The following PKD1L3 variants were observed in gnomAD, a reference collection of about 807,000 sequenced individuals.
The protein encoded by PKD1L3 is polycystin-1-like protein 3.
In PKD1L3, 239 loss-of-function variants were observed where a neutral mutation model predicts 184.1. The ratio of observed to expected loss-of-function variants is 1.30; its 90% confidence interval spans 1.17 to 1.45. PKD1L3 has a LOEUF of 1.45. PKD1L3 is among the 40% of genes most tolerant of loss of function. PKD1L3 has a pLI of 0.00. For synonymous variants in PKD1L3, 996 were observed against 778.8 expected (o/e 1.28, Z -4.64); for missense variants, 2,660 against 2,067.2 (o/e 1.29, Z -5.56).
chr16:71,954,381 A>T, intron 16 of PKD1L3, 80 bp from the exon 17 acceptor site: 1 of 1,132,956 alleles, frequency 8.8e-7, no homozygotes, highest in East Asian at 2.7e-5. Flanking sequence ...TTTGCCCAGC[A>T]ACAAGCGACA....
At chr16:71,937,460 CT>C in intron 24 of PKD1L3, 41 bp from the exon 25 acceptor site, 1 of 1,535,954 alleles carries the variant, frequency 6.5e-7, no homozygotes, top group East Asian at 2.5e-5. Flanking sequence ...GAGTCTAAAA[CT>C]TTTGCCCTCT....
At chr16:71,968,254 TG>T in intron 13 of PKD1L3, among the ~76,000 whole-genome samples, 1 of 152,306 alleles carries the variant, frequency 6.6e-6, no homozygotes, top group East Asian at 1.9e-4. Flanking sequence ...GATCAGGTCT[TG>T]GGCCTCTAAA....
intron 12 of PKD1L3, among the ~76,000 whole-genome samples, chr16:71,970,624 A>G (rs113288062): frequency 0.042 from 6,420 of 152,156 alleles, 438 homozygotes; most frequent in African/African-American, 0.15. Context: ...CCTGGACAAC[A>G]TGGTGAAACC....
chr16:71,965,450 C>T (rs1047502464), intron 15 of PKD1L3, among the ~76,000 whole-genome samples: 2 of 152,050 alleles, frequency 1.3e-5, no homozygotes, highest in African/African-American at 4.8e-5. Context: ...TCACAAGAAA[C>T]TGGCAAGCTG....
intron 6 of PKD1L3, among the ~76,000 whole-genome samples, chr16:71,983,714 TG>T (rs1484987679): frequency 8.3e-6 from 1 of 119,876 alleles, no homozygotes; most frequent in Non-Finnish European, 1.6e-5. Flanking sequence ...CCACCCAGGC[TG>T]GAGTGGAGTG....
At chr16:71,929,846 A>G in intron 29 of PKD1L3, 168 bp from the exon 30 acceptor site, 1 of 957,130 alleles carries the variant, frequency 1.0e-6, no homozygotes, top group Non-Finnish European at 1.5e-6. Flanking sequence ...TTGCGAGCCA[A>G]CTATTTATAG....
intron 21 of PKD1L3, among the ~76,000 whole-genome samples, chr16:71,948,686 A>T (rs1324669727): frequency 1.3e-5 from 2 of 151,938 alleles, no homozygotes; most frequent in Admixed American, 6.6e-5. Flanking sequence ...CATTATTAAA[A>T]CAAAAATGCA....
Position 71,984,093 on chromosome 16 carries a change from A to G in PKD1L3, c.909T>C (p.Ala303=), listed in dbSNP as rs750831494. ...CTGTTAGTTTCTGGAGGAACTCACAAGCTTCCTGTAGTTTGTTAAGAGCTT... is the reference window on the plus strand; with the variant it reads ...CTGTTAGTTTCTGGAGGAACTCACAGGCTTCCTGTAGTTTGTTAAGAGCTT... ...GLQALNKLQE[A]CEFLQKLTAL... is the part of the protein sequence containing the mutation. Residue 303 remains alanine, a synonymous_variant, in exon 6 of 30, where the codon GCT becomes GCC. Coordinates refer to ENST00000620267, the MANE Select transcript of PKD1L3 (RefSeq NM_181536.2). 40 of 1,552,084 alleles carry G rather than the reference A, an allele frequency of 2.6e-5. No individual in the cohort carries two copies. Among genetic ancestry groups the G allele is most frequent in the Non-Finnish European group, 3.3e-5 (38 of 1,147,098 alleles).
intron 28 of PKD1L3, among the ~76,000 whole-genome samples, chr16:71,931,785 G>A (rs970035037): frequency 2.0e-5 from 3 of 152,044 alleles, no homozygotes; most frequent in African/African-American, 4.8e-5. Flanking sequence ...TTTTAAAAAT[G>A]GCACAGTATT....
intron 25 of PKD1L3, among the ~76,000 whole-genome samples, chr16:71,936,948 G>C (rs1482912010): frequency 6.6e-6 from 1 of 152,094 alleles, no homozygotes; most frequent in East Asian, 1.9e-4. Flanking sequence ...CTGAATTCAG[G>C]TTTCTGAAAA....
intron 19 of PKD1L3, among the ~76,000 whole-genome samples, chr16:71,951,308 G>A (rs550340300): frequency 7.2e-5 from 11 of 152,278 alleles, no homozygotes; most frequent in African/African-American, 2.4e-4. Flanking sequence ...TCAAAGTGCC[G>A]GGATTACAGG....
At chr16:71,966,056 C>G (rs1421430813) in intron 15 of PKD1L3, among the ~76,000 whole-genome samples, 1 of 152,072 alleles carries the variant, frequency 6.6e-6, no homozygotes, top group Non-Finnish European at 1.5e-5. Context: ...TTATTAGGCT[C>G]TACCAGCCCA....
At chr16:71,974,755 C>T (rs1190016879) in intron 11 of PKD1L3, among the ~76,000 whole-genome samples, 3 of 152,202 alleles carry the variant, frequency 2.0e-5, no homozygotes, top group Non-Finnish European at 4.4e-5. Flanking sequence ...TCCACAGATT[C>T]TGTAGTGGGC....
chr16:71,950,230 C>A lies in PKD1L3; in HGVS notation c.3271G>T (p.Gly1091Cys), dbSNP rs1274706734. 2.6e-6 allele frequency: 4 copies of A among 1,551,930 alleles called. No individual in the cohort carries two copies. The East Asian group carries it at 9.8e-5, about 38-fold the overall frequency. Residue 1091 changes from glycine (G) to cysteine (C), a missense_variant, in exon 20 of 30, where the codon GGT (glycine) becomes TGT (cysteine). Physicochemically the swap from Gly to Cys is radical, Grantham distance 159. Coordinates refer to ENST00000620267, the MANE Select transcript of PKD1L3 (RefSeq NM_181536.2). ...CAGGACTGGTGACCCTGGGTGAGAC[C>A]CAGCGTGCCTAAGTGAGATTTCAGC... ...QRLKSHLGTL[G>C]LTQGHQSCDF...
chr16:71,930,270 TA>T lies in PKD1L3; in HGVS notation c.4927-88del, dbSNP rs543367974. On this transcript the variant is annotated intron_variant, in intron 28 of 29. Transcript: ENST00000620267. ...AGCTATATGCTAGTGTTTGGGATCTTATCAGAAGAAAAGCTTATCCGAAGGA... is the reference window on the plus strand; with the variant it reads ...AGCTATATGCTAGTGTTTGGGATCTTTCAGAAGAAAAGCTTATCCGAAGGA... 126 of 1,324,304 alleles carry T rather than the reference TA, an allele frequency of 9.5e-5. No homozygotes were observed. In the South Asian group the frequency reaches 1.9e-3, roughly 20 times the overall value. The allele number at this position is 1,324,304 out of a possible 1,614,324, so 82.0% of individuals were successfully genotyped here.
At chr16:71,962,768 C>A (rs1317066258) in intron 16 of PKD1L3, among the ~76,000 whole-genome samples, 1 of 152,170 alleles carries the variant, frequency 6.6e-6, no homozygotes, top group Non-Finnish European at 1.5e-5. Context: ...ACATGAGTCA[C>A]GGTGCCTGGC....
At chr16:71,932,953 A>G (rs544698556) in intron 28 of PKD1L3, among the ~76,000 whole-genome samples, 2 of 151,296 alleles carry the variant, frequency 1.3e-5, no homozygotes, top group South Asian at 4.2e-4. Context: ...CACCTGGCTA[A>G]TTTTTATTTT....
intron 3 of PKD1L3, among the ~76,000 whole-genome samples, chr16:71,992,514 T>C (rs1277583145): frequency 2.6e-5 from 4 of 152,216 alleles, no homozygotes; most frequent in African/African-American, 7.2e-5. Flanking sequence ...AGAACAACTT[T>C]TGGATTTAAC....
chr16:71,961,091 G>T (rs1480070226), intron 16 of PKD1L3, among the ~76,000 whole-genome samples: 1 of 151,806 alleles, frequency 6.6e-6, no homozygotes, highest in East Asian at 1.9e-4. Flanking sequence ...ACTTCTTGCT[G>T]AGAGTCCATG....
Sources: gnomAD v4.1 joint callset for allele counts (sites outside exome capture counted in the v4.1 genomes callset) on GRCh38, gnomAD v4.1.1 for gene constraint, MANE v1.5 for transcripts, NCBI Gene and HGNC (gene_info 2026-07-23, HGNC 2026-07-21) for gene names.